The following BTBD3 variants were observed in gnomAD, a reference collection of about 807,000 sequenced individuals.
BTBD3 encodes the protein BTB/POZ domain-containing protein 3.
In BTBD3, 14 loss-of-function variants were observed where a neutral mutation model predicts 41.6. That is an observed-to-expected ratio of 0.34 (90% CI 0.22 to 0.53). The LOEUF (loss-of-function observed/expected upper bound fraction) is 0.53, where lower values mean the gene tolerates loss of function less well. Among genes scored for constraint, BTBD3 ranks in the 20% least tolerant of loss-of-function variants. The pLI, the probability that BTBD3 is intolerant of heterozygous loss-of-function variation, is 0.95. For missense variants in BTBD3, 426 were observed against 654.7 expected (o/e 0.65, Z 3.81); for synonymous variants, 249 against 233.7 (o/e 1.07, Z -0.60).
At chr20:11,899,686 T>C (rs1285368233) in intron 1 of BTBD3, among the ~76,000 whole-genome samples, 2 of 152,200 alleles carry the variant, frequency 1.3e-5, no homozygotes, top group African/African-American at 4.8e-5. Context: ...TTTTGCTTAT[T>C]GTGTTTCTAG....
At chr20:11,897,357 C>A (rs1182680423) in intron 1 of BTBD3, among the ~76,000 whole-genome samples, 2 of 152,106 alleles carry the variant, frequency 1.3e-5, no homozygotes, top group Non-Finnish European at 2.9e-5. Context: ...TGCAAACCTG[C>A]TCCATCTGCA....
chr20:11,890,945 A>C, exon 1 of BTBD3: 1 of 984,126 alleles, frequency 1.0e-6, no homozygotes, highest in Non-Finnish European at 1.2e-6. Context: ...GGCGAGGAGG[A>C]GCGCTGGCGG....
rs1431669792 is a variant in BTBD3 at position 11,922,689 on chromosome 20, T to C, written c.592T>C (p.Tyr198His). The part of the protein sequence containing the change: ...LAADTVLATL[Y>H]AAKKYIVPHL... The stretch of plus-strand genomic sequence containing the variant: ...TGCTGACACAGTGCTGGCCACACTT[T>C]ATGCTGCCAAAAAGTACATTGTCCC... The change falls in exon 4 of 4, where the codon TAT (tyrosine) becomes CAT (histidine). Residue 198 changes from tyrosine (Y) to histidine (H), a missense_variant. Transcript: ENST00000378226. The C allele has an allele frequency of 2.5e-6, 4 of 1,614,220 alleles. No individual in the cohort carries two copies. The highest frequency in any genetic ancestry group is 1.7e-6 in the Non-Finnish European group (2 of 1,180,028).
chr20:11,894,140 A>C (rs2056772464), intron 1 of BTBD3, among the ~76,000 whole-genome samples: 2 of 152,242 alleles, frequency 1.3e-5, no homozygotes, highest in South Asian at 2.1e-4. Flanking sequence ...TGGTGCCTGC[A>C]CCATAGAGTT....
At chr20:11,905,355 C>G (rs951016219) in intron 1 of BTBD3, among the ~76,000 whole-genome samples, 2 of 151,352 alleles carry the variant, frequency 1.3e-5, no homozygotes, top group African/African-American at 4.9e-5. Context: ...CTCAAGGAAA[C>G]CATTCTATTT....
chr20:11,910,073 G>A (rs1404565030), intron 1 of BTBD3: 2 of 152,158 alleles, frequency 1.3e-5, no homozygotes, highest in African/African-American at 4.8e-5. Context: ...TTTGGGAGTT[G>A]TCTGGATTCT....
chr20:11,892,339 G>A (rs1324492593), intron 1 of BTBD3, among the ~76,000 whole-genome samples: 1 of 152,072 alleles, frequency 6.6e-6, no homozygotes, highest in Admixed American at 6.6e-5. Flanking sequence ...TCAACCCTCT[G>A]CCAGATCCCC....
intron 1 of BTBD3, among the ~76,000 whole-genome samples, chr20:11,891,839 CT>C (rs2056756531): frequency 6.6e-6 from 1 of 152,034 alleles, no homozygotes; most frequent in South Asian, 2.1e-4. Context: ...GGTGCTTTTT[CT>C]TTTTTAAATA....
In BTBD3 at chr20:11,923,790, A is replaced by C; in HGVS notation, c.*124A>C. The C allele has an allele frequency of 1.0e-6, 1 of 966,298 alleles. No individual in the cohort carries two copies. The highest frequency in any genetic ancestry group is 2.7e-5 in the Admixed American group (1 of 37,420). The allele number at this position is 966,298 out of a possible 1,614,324, so 59.9% of individuals were successfully genotyped here. A position where few individuals can be genotyped will look rare whatever the true frequency, so the allele number is the denominator to read the frequency against. ...ATTTGTAATGAATGAAGCGGTAGGC[A>C]GGTTCTAATTTCTTTTAACCTTTTA... On this transcript the variant is annotated 3_prime_UTR_variant, in exon 4 of 4. Coordinates refer to ENST00000378226, the MANE Select transcript of BTBD3 (RefSeq NM_014962.4). The surrounding 1 kb of genome is among the most constrained non-coding windows in gnomAD (Gnocchi z 5.3).
intron 1 of BTBD3, among the ~76,000 whole-genome samples, chr20:11,904,566 T>A (rs1480486559): frequency 1.3e-5 from 2 of 152,120 alleles, no homozygotes; most frequent in African/African-American, 4.8e-5. Flanking sequence ...TACGTTTTGG[T>A]TTTGGGACCT....
intron 1 of BTBD3, among the ~76,000 whole-genome samples, chr20:11,891,621 C>T (rs1340605678): frequency 6.6e-6 from 1 of 152,092 alleles, no homozygotes; most frequent in Non-Finnish European, 1.5e-5. Context: ...CCCGTTTGCT[C>T]TAAAAATAGA....
intron 1 of BTBD3, among the ~76,000 whole-genome samples, chr20:11,899,014 G>C (rs577945974): frequency 6.6e-6 from 1 of 152,184 alleles, no homozygotes; most frequent in East Asian, 1.9e-4. Context: ...AACATACCTG[G>C]GTTCCCTGGT....
intron 1 of BTBD3, among the ~76,000 whole-genome samples, chr20:11,891,651 GGAA>G (rs1568605457): frequency 6.6e-6 from 1 of 152,140 alleles, no homozygotes; most frequent in Admixed American, 6.5e-5. Context: ...TTGGTGTTCG[GGAA>G]GAAGGATGTT....
intron 1 of BTBD3, among the ~76,000 whole-genome samples, chr20:11,902,080 A>C (rs1442472303): frequency 6.6e-6 from 1 of 150,654 alleles, no homozygotes; most frequent in Non-Finnish European, 1.5e-5. Context: ...TTGAAAATCC[A>C]TGTGTAACTT....
intron 1 of BTBD3, 84 bp downstream of exon 1, chr20:11,918,685 C>T: frequency 7.3e-7 from 1 of 1,375,246 alleles, no homozygotes; most frequent in African/African-American, 1.5e-5. Context: ...TGTATTTGAA[C>T]ACAAATCTGT....
intron 1 of BTBD3, chr20:11,910,138 T>C (rs1045909169): frequency 3.9e-5 from 6 of 152,180 alleles, no homozygotes; most frequent in African/African-American, 2.4e-5. Flanking sequence ...TAGAACAAGA[T>C]ACTCTTTGGT....
At chr20:11,904,957 T>TA (rs550530102) in intron 1 of BTBD3, among the ~76,000 whole-genome samples, 40 of 152,356 alleles carry the variant, frequency 2.6e-4, no homozygotes, top group Middle Eastern at 3.4e-3. Flanking sequence ...ATTGCATTCT[T>TA]ATTAGAAAAG....
At position 11,923,543 on chromosome 20, in the gene BTBD3, A is replaced by T; in HGVS notation, c.1446A>T (p.Gly482=). The change falls in exon 4 of 4, where the codon GGA becomes GGT. Residue 482 remains glycine, a synonymous_variant. Coordinates refer to ENST00000378226, the MANE Select transcript of BTBD3 (RefSeq NM_014962.4). This position sits in a 1 kb window ranked among gnomAD's most constrained non-coding sequence, Gnocchi z 5.3. Reference sequence around the variant, plus strand: ...ATGGCAATGAACTCAGCTACTTTGGACAAGAAGGCATGACAGAAGTTCAGT... The same window carrying T: ...ATGGCAATGAACTCAGCTACTTTGGTCAAGAAGGCATGACAGAAGTTCAGT... The part of the protein sequence containing the change: ...ILDGNELSYF[G]QEGMTEVQCG... 1.2e-6 allele frequency: 2 copies of T among 1,614,204 alleles called. No homozygotes were observed. The highest frequency in any genetic ancestry group is 1.7e-6 in the Non-Finnish European group (2 of 1,180,044).
intron 3 of BTBD3, among the ~76,000 whole-genome samples, chr20:11,920,341 A>G (rs1378598446): frequency 6.6e-6 from 1 of 152,216 alleles, no homozygotes; most frequent in African/African-American, 2.4e-5. Context: ...ACACATACAT[A>G]TACATACTCA....
Sources: allele counts gnomAD v4.1 joint callset (sites outside exome capture counted in the v4.1 genomes callset), GRCh38; gene constraint gnomAD v4.1.1; non-coding constraint Gnocchi (gnomAD v3.1); transcripts MANE v1.5; gene names NCBI Gene and HGNC (gene_info 2026-07-23, HGNC 2026-07-21).